Variants in GPC6 observed in about 807,000 individuals in gnomAD.
GPC6 encodes glypican-6.
A neutral mutation model predicts 55.2 loss-of-function variants in GPC6; 14 were observed. That is an observed-to-expected ratio of 0.25 (90% CI 0.17 to 0.40). The LOEUF (loss-of-function observed/expected upper bound fraction) is 0.40, where lower values mean the gene tolerates loss of function less well. GPC6 is among the 10% of genes least tolerant of loss of function. The pLI is 1.00. For synonymous variants in GPC6, 278 were observed against 259.6 expected (o/e 1.07, Z -0.68); for missense variants, 641 against 708.5 (o/e 0.90, Z 1.08).
At chr13:93,391,718 G>A (rs553444225) in intron 1 of GPC6, among the ~76,000 whole-genome samples, 2 of 152,100 alleles carry the variant, frequency 1.3e-5, no homozygotes, top group East Asian at 3.9e-4. Context: ...CATTTCTTGG[G>A]GTTCTTTTTC....
intron 1 of GPC6, among the ~76,000 whole-genome samples, chr13:93,309,581 T>A (rs1594087687): frequency 6.6e-6 from 1 of 152,290 alleles, no homozygotes; most frequent in African/African-American, 2.4e-5. Context: ...AGAGGCAGTT[T>A]AAAGTATATA....
At chr13:94,189,806 G>T (rs1889323589) in intron 4 of GPC6, among the ~76,000 whole-genome samples, 1 of 152,108 alleles carries the variant, frequency 6.6e-6, no homozygotes, top group Non-Finnish European at 1.5e-5. Flanking sequence ...CAGATCACAA[G>T]GTCAGGAGAT....
intron 1 of GPC6, among the ~76,000 whole-genome samples, chr13:93,542,385 C>A (rs1053569614): frequency 2.6e-5 from 4 of 152,064 alleles, no homozygotes; most frequent in African/African-American, 4.8e-5. Context: ...TGATCTATAT[C>A]TCTGTTTTGG....
rs534120074 is a variant in GPC6, at chr13:93,975,195, C to T, written c.712-52534C>T. ...GGATCACTTCTTTCTAATAGATTGC[C>T]TCCAAATTTTAAAAGGTAACTGATA... On this transcript the variant is annotated intron_variant, in intron 3 of 8. Transcript: ENST00000377047. Among the ~76,000 whole-genome samples the T allele has an allele frequency of 2.6e-5, 4 of 152,114 alleles. No individual in the cohort carries two copies. In the South Asian group the frequency reaches 8.3e-4, roughly 32 times the overall value.
chr13:94,239,256 G>A (rs9524382), intron 4 of GPC6, among the ~76,000 whole-genome samples: 42,129 of 152,006 alleles, frequency 0.28, 6,487 homozygotes, highest in Non-Finnish European at 0.35. Flanking sequence ...TGATGGCAGA[G>A]CAGCATTGTG....
intron 3 of GPC6, among the ~76,000 whole-genome samples, chr13:93,933,758 C>T (rs954765446): frequency 3.5e-4 from 53 of 152,190 alleles, no homozygotes; most frequent in Middle Eastern, 3.4e-3. Context: ...TATAAACTTT[C>T]TTAGTGTTTT....
intron 4 of GPC6, among the ~76,000 whole-genome samples, chr13:94,274,305 T>C (rs1017895671): frequency 5.3e-5 from 8 of 152,350 alleles, no homozygotes; most frequent in African/African-American, 1.7e-4. Flanking sequence ...TCTCTCCTCC[T>C]CTTCCTGGAT....
At chr13:93,801,130 G>T (rs901724964) in intron 2 of GPC6, among the ~76,000 whole-genome samples, 1 of 152,146 alleles carries the variant, frequency 6.6e-6, no homozygotes, top group African/African-American at 2.4e-5. Flanking sequence ...AATATGGTTT[G>T]CCTGAATAGA....
At chr13:93,636,682 G>T (rs1000071520) in intron 2 of GPC6, among the ~76,000 whole-genome samples, 4 of 152,116 alleles carry the variant, frequency 2.6e-5, no homozygotes, top group African/African-American at 9.6e-5. Flanking sequence ...GTACATTCTG[G>T]GCCCCCAAAA....
intron 6 of GPC6, among the ~76,000 whole-genome samples, chr13:94,365,553 T>C (rs1879251791): frequency 6.6e-6 from 1 of 152,220 alleles, no homozygotes; most frequent in South Asian, 2.1e-4. Flanking sequence ...AAGACATTTA[T>C]ATGCTTTTGG....
intron 2 of GPC6, among the ~76,000 whole-genome samples, chr13:93,566,706 C>G (rs1012217807): frequency 4.6e-5 from 7 of 151,280 alleles, no homozygotes; most frequent in Non-Finnish European, 1.0e-4. Flanking sequence ...CTAAAGCTAT[C>G]CCTCCCCTTG....
At chr13:94,280,037 G>A (rs776914889) in intron 4 of GPC6, among the ~76,000 whole-genome samples, 19 of 152,108 alleles carry the variant, frequency 1.2e-4, no homozygotes, top group Non-Finnish European at 1.6e-4. Context: ...AATATTGACT[G>A]GGGTGTTAAA....
chr13:93,672,572 G>T (rs1012034424), intron 2 of GPC6, among the ~76,000 whole-genome samples: 15 of 150,698 alleles, frequency 1.0e-4, no homozygotes, highest in African/African-American at 3.4e-4. Flanking sequence ...CTTTTGTATG[G>T]CACATTAAAA....
chr13:93,422,868 G>T lies in GPC6; in HGVS notation c.161-122395G>T, dbSNP rs530305107. Reference sequence around the variant, plus strand: ...GATGGTTCTAGTTAGCAACATGAGAGAGAGAATATGCTTACACAAATTAAA... The same window carrying T: ...GATGGTTCTAGTTAGCAACATGAGATAGAGAATATGCTTACACAAATTAAA... On this transcript the variant is annotated intron_variant, in intron 1 of 8. Transcript: ENST00000377047. Among the ~76,000 whole-genome samples the T allele has an allele frequency of 1.2e-4, 18 of 152,306 alleles. 1 individual carries two copies. The South Asian group carries it at 3.7e-3, about 32-fold the overall frequency.
chr13:93,493,929 T>A (rs7986854), intron 1 of GPC6, among the ~76,000 whole-genome samples: 3,781 of 83,384 alleles, frequency 0.045, 138 homozygotes, highest in Middle Eastern at 0.056. Flanking sequence ...TGCTGAGGAG[T>A]GCTTTACTTC....
intron 4 of GPC6, among the ~76,000 whole-genome samples, chr13:94,261,205 G>A (rs12430094): frequency 0.15 from 22,611 of 152,112 alleles, 1,727 homozygotes; most frequent in South Asian, 0.24. Flanking sequence ...AACCCAGGGG[G>A]CGGAGGTTGC....
intron 1 of GPC6, among the ~76,000 whole-genome samples, chr13:93,229,256 C>A (rs61963719): frequency 6.6e-6 from 1 of 150,634 alleles, no homozygotes; most frequent in Non-Finnish European, 1.5e-5. Flanking sequence ...TTTTTTTTCC[C>A]TCCCCAAATC....
At chr13:94,154,480 G>T (rs1887856668) in intron 4 of GPC6, 2 of 152,148 alleles carry the variant, frequency 1.3e-5, no homozygotes, top group South Asian at 4.1e-4. Context: ...CTCTCATTCA[G>T]TGCTCCTTCC....
At chr13:93,992,621 T>G (rs1881361610) in intron 3 of GPC6, among the ~76,000 whole-genome samples, 1 of 152,166 alleles carries the variant, frequency 6.6e-6, no homozygotes. Flanking sequence ...TGACAATGTT[T>G]AGTGATGACA....
Sources: allele counts gnomAD v4.1 joint callset (sites outside exome capture counted in the v4.1 genomes callset), GRCh38; gene constraint gnomAD v4.1.1; transcripts MANE v1.5; gene names NCBI Gene and HGNC (gene_info 2026-07-23, HGNC 2026-07-21).